Variants in SLC12A1 observed in about 807,000 individuals in gnomAD.
SLC12A1 encodes the protein solute carrier family 12 member 1.
SLC12A1 carries 89 observed loss-of-function variants against 130.4 expected under a neutral mutation model. The observed-to-expected ratio is 0.68, with a 90% confidence interval of 0.58 to 0.81. The LOEUF is 0.81. Among genes scored for constraint, SLC12A1 ranks in the 40% least tolerant of loss-of-function variants. The pLI is 0.00. For synonymous variants in SLC12A1, 499 were observed against 460.0 expected (o/e 1.08, Z -1.09); for missense variants, 1,310 against 1,336.4 (o/e 0.98, Z 0.31).
intron 15 of SLC12A1, among the ~76,000 whole-genome samples, chr15:48,254,768 C>CA (rs2041686737): frequency 6.6e-6 from 1 of 151,578 alleles, no homozygotes; most frequent in African/African-American, 2.4e-5. Context: ...TAAAAAAATA[C>CA]AAAAAATTAG....
intron 23 of SLC12A1, among the ~76,000 whole-genome samples, chr15:48,291,351 C>T (rs2042118913): frequency 6.6e-6 from 1 of 150,758 alleles, no homozygotes; most frequent in South Asian, 2.1e-4. Context: ...TATATATAAT[C>T]ATATAATTTA....
intron 20 of SLC12A1, among the ~76,000 whole-genome samples, chr15:48,279,323 A>G (rs2041987212): frequency 6.6e-6 from 1 of 152,220 alleles, no homozygotes; most frequent in African/African-American, 2.4e-5. Flanking sequence ...GATTGTCATC[A>G]TAGCTTTTCC....
chr15:48,278,440 T>C (rs2041977686), intron 20 of SLC12A1, among the ~76,000 whole-genome samples: 1 of 152,106 alleles, frequency 6.6e-6, no homozygotes, highest in Non-Finnish European at 1.5e-5. Flanking sequence ...CCTGTATCTG[T>C]TTGAAAGCCC....
chr15:48,293,321 TATC>T (rs1329044425), intron 24 of SLC12A1, among the ~76,000 whole-genome samples: 2 of 152,214 alleles, frequency 1.3e-5, no homozygotes, highest in Non-Finnish European at 2.9e-5. Flanking sequence ...TATTTAGAGT[TATC>T]ATTTAACAAT....
At chr15:48,208,665 T>C (rs1482883801) in intron 2 of SLC12A1, among the ~76,000 whole-genome samples, 1 of 152,194 alleles carries the variant, frequency 6.6e-6, no homozygotes, top group Non-Finnish European at 1.5e-5. Flanking sequence ...ACTCTAAATG[T>C]TAGGCAATAT....
At chr15:48,257,843 C>G (rs890227342) in intron 16 of SLC12A1, among the ~76,000 whole-genome samples, 2 of 152,250 alleles carry the variant, frequency 1.3e-5, no homozygotes, top group African/African-American at 4.8e-5. Context: ...CATTTGCCTC[C>G]TTGTTACCTA....
intron 20 of SLC12A1, among the ~76,000 whole-genome samples, chr15:48,283,342 C>T (rs1250049275): frequency 6.6e-6 from 1 of 152,192 alleles, no homozygotes; most frequent in East Asian, 1.9e-4. Flanking sequence ...TCACATAAAG[C>T]CAGCAGCAGA....
chr15:48,257,711 C>A (rs1470734226), intron 16 of SLC12A1, among the ~76,000 whole-genome samples: 2 of 152,166 alleles, frequency 1.3e-5, no homozygotes, highest in Non-Finnish European at 2.9e-5. Context: ...AGCAGGGGGA[C>A]CCTGGACCAT....
chr15:48,242,484 T>C (rs1156808173), intron 10 of SLC12A1, among the ~76,000 whole-genome samples: 1 of 152,138 alleles, frequency 6.6e-6, no homozygotes, highest in Non-Finnish European at 1.5e-5. Flanking sequence ...GTCTCTAATT[T>C]GAGGAAATTT....
intron 23 of SLC12A1, among the ~76,000 whole-genome samples, chr15:48,291,426 A>G (rs2042120042): frequency 6.6e-6 from 1 of 152,064 alleles, no homozygotes; most frequent in East Asian, 1.9e-4. Flanking sequence ...TATAAAAATT[A>G]TCACCAATAT....
intron 17 of SLC12A1, 125 bp from the exon 18 acceptor site, chr15:48,267,436 G>A (rs2041844024): frequency 1.9e-6 from 2 of 1,047,554 alleles, no homozygotes; most frequent in Admixed American, 2.4e-5. Flanking sequence ...TCAGTGAGGT[G>A]TTTTTCCCTC....
intron 15 of SLC12A1, among the ~76,000 whole-genome samples, chr15:48,254,910 C>CCAGACT (rs2041689099): frequency 6.6e-6 from 1 of 151,324 alleles, no homozygotes. Flanking sequence ...GGCGACAGAG[C>CCAGACT]CAGACTCCGT....
chr15:48,250,424 A>T (rs926948658), intron 14 of SLC12A1, among the ~76,000 whole-genome samples: 1 of 152,236 alleles, frequency 6.6e-6, no homozygotes, highest in African/African-American at 2.4e-5. Context: ...TAGATGGCAG[A>T]CCAATCTTAA....
intron 5 of SLC12A1, chr15:48,227,312 C>A: frequency 3.0e-6 from 2 of 676,428 alleles, no homozygotes; most frequent in East Asian, 2.7e-5. Context: ...ATTTAAACAG[C>A]AAAGCAAAAT....
At chr15:48,273,809 A>C (rs1264190533) in intron 19 of SLC12A1, among the ~76,000 whole-genome samples, 1 of 152,192 alleles carries the variant, frequency 6.6e-6, no homozygotes, top group Non-Finnish European at 1.5e-5. Flanking sequence ...TAATGGCAAG[A>C]AGTCATTAAG....
chr15:48,246,846 G>A lies in SLC12A1; in HGVS notation c.1453-63G>A, dbSNP rs8028035. On this transcript the variant is annotated intron_variant, in intron 11 of 26. Transcript: ENST00000380993. ...GGGGGAAAAAATGTAGTTGAAAGCC[G>A]TTTGCTTATGAAACAGATTCCAAAT... is the stretch of plus-strand genomic sequence containing the variant. 0.99 allele frequency: 1,074,573 copies of A among 1,090,252 alleles called. 530,318 individuals carry two copies. Among genetic ancestry groups the A allele is most frequent in the Non-Finnish European group, 1 (700,695 of 700,888 alleles). The allele number at this position is 1,090,252 out of a possible 1,614,324, so 67.5% of individuals were successfully genotyped here. A position where few individuals can be genotyped will look rare whatever the true frequency, so the allele number is the denominator to read the frequency against.
chr15:48,256,616 G>A (rs1326786761), intron 16 of SLC12A1, among the ~76,000 whole-genome samples: 1 of 152,216 alleles, frequency 6.6e-6, no homozygotes, highest in Non-Finnish European at 1.5e-5. Flanking sequence ...AGGCAAGGGA[G>A]TGTGTGCAGG....
At chr15:48,275,603 G>T (rs1257274048) in intron 20 of SLC12A1, among the ~76,000 whole-genome samples, 1 of 152,176 alleles carries the variant, frequency 6.6e-6, no homozygotes, top group Non-Finnish European at 1.5e-5. Flanking sequence ...AGTTGAGGGA[G>T]AGAAAAGTAA....
At chr15:48,284,403 TC>T (rs2042036812) in intron 20 of SLC12A1, among the ~76,000 whole-genome samples, 1 of 152,220 alleles carries the variant, frequency 6.6e-6, no homozygotes, top group Non-Finnish European at 1.5e-5. Context: ...TTTTGTCACT[TC>T]CAGTTGTAAA....
Sources: allele counts gnomAD v4.1 joint callset (sites outside exome capture counted in the v4.1 genomes callset), GRCh38; gene constraint gnomAD v4.1.1; transcripts MANE v1.5; gene names NCBI Gene and HGNC (gene_info 2026-07-23, HGNC 2026-07-21).